The following LRRC43 variants were observed in gnomAD, a reference collection of about 807,000 sequenced individuals.
LRRC43 encodes leucine rich repeat containing 43.
LRRC43 carries 62 observed loss-of-function variants against 64.3 expected under a neutral mutation model. The ratio of observed to expected loss-of-function variants is 0.96; its 90% CI spans 0.79 to 1.19. LRRC43 has a LOEUF of 1.19. LRRC43 is among the 50% of genes most tolerant of loss of function. The pLI is 0.00. For synonymous variants in LRRC43, 422 were observed against 382.3 expected, an observed-to-expected ratio of 1.10 and a Z score of -1.21; for missense variants, 868 against 845.0, an observed-to-expected ratio of 1.03 and a Z score of -0.34.
intron 1 of LRRC43, among the ~76,000 whole-genome samples, chr12:122,174,604 G>A (rs1214403037): frequency 2.6e-5 from 4 of 152,184 alleles, no homozygotes; most frequent in Admixed American, 6.5e-5. Context: ...GAGGAAATGC[G>A]AAGCCGGCAT....
At chr12:122,170,508 G>A (rs1593137795) in intron 1 of LRRC43, among the ~76,000 whole-genome samples, 1 of 152,254 alleles carries the variant, frequency 6.6e-6, no homozygotes, top group African/African-American at 2.4e-5. Context: ...GCGGGCGCCT[G>A]TAGTCCCAGC....
chr12:122,182,377 C>A (rs893737626), upstream of LRRC43, among the ~76,000 whole-genome samples: 2 of 151,926 alleles, frequency 1.3e-5, no homozygotes, highest in Non-Finnish European at 2.9e-5. Flanking sequence ...TACACATTAG[C>A]GGGGCGTTGT....
chr12:122,194,224 T>A (rs77551136), intron 7 of LRRC43, among the ~76,000 whole-genome samples: 1 of 151,986 alleles, frequency 6.6e-6, no homozygotes, highest in Non-Finnish European at 1.5e-5. Context: ...TTTTTTTTTT[T>A]AAGCTTGTTA....
intron 1 of LRRC43, among the ~76,000 whole-genome samples, chr12:122,177,190 T>G (rs1235893391): frequency 1.3e-5 from 2 of 152,060 alleles, no homozygotes; most frequent in African/African-American, 2.4e-5. Flanking sequence ...TCCCTGGGCC[T>G]CCCCAATGCA....
chr12:122,184,757 C>A lies in LRRC43; in HGVS notation c.389C>A (p.Ser130Tyr). 2 of 1,607,214 alleles carry A rather than the reference C, an allele frequency of 1.2e-6. No individual in the cohort carries two copies. The highest frequency in any genetic ancestry group is 2.2e-5 in the South Asian group (2 of 89,960). The change falls in exon 2 of 12, where the codon TCC becomes TAC. Residue 130 changes from serine to tyrosine, a missense_variant. Transcript: ENST00000339777. This position sits in a 1 kb window ranked among gnomAD's most constrained non-coding sequence, Gnocchi z 4.0. Reference sequence around the variant, plus strand: ...ACCTTCTTCTACTCCTACTTCCGGTCCCTGCGGGTAATAGACAAGAAGGTC... The same window carrying A: ...ACCTTCTTCTACTCCTACTTCCGGTACCTGCGGGTAATAGACAAGAAGGTC... ...TDTFFYSYFR[S>Y]LRVIDKKVTL...
At chr12:122,188,639 C>T (rs1953675869) in intron 4 of LRRC43, among the ~76,000 whole-genome samples, 1 of 151,914 alleles carries the variant, frequency 6.6e-6, no homozygotes, top group Non-Finnish European at 1.5e-5. Flanking sequence ...CGGGGTTTCA[C>T]CATGTTGGCC....
intron 1 of LRRC43, chr12:122,172,853 G>A: frequency 3.6e-6 from 3 of 828,718 alleles, no homozygotes; most frequent in Non-Finnish European, 5.7e-6. Flanking sequence ...ATATTTATCT[G>A]ATCAATGTCA....
upstream of LRRC43, among the ~76,000 whole-genome samples, chr12:122,179,094 T>C (rs1953560909): frequency 6.6e-6 from 1 of 151,938 alleles, no homozygotes. Flanking sequence ...CTGGTTTGGT[T>C]TGGTTTTCTT....
chr12:122,201,835 G>A (rs1953842882), intron 11 of LRRC43: 1 of 155,302 alleles, frequency 6.4e-6, no homozygotes, highest in Non-Finnish European at 1.4e-5. Context: ...TCATACTGAA[G>A]CCGAAAAGTG....
In LRRC43 at chr12:122,191,533, G is replaced by T. The variant is rs1177657292; in HGVS notation, c.1055G>T (p.Gly352Val). The T allele has an allele frequency of 1.9e-6, 3 of 1,614,058 alleles. No homozygotes were observed. Among genetic ancestry groups the T allele is most frequent in the Non-Finnish European group, 1.7e-6 (2 of 1,180,044 alleles). The change falls in exon 6 of 12, where the codon GGC (glycine) becomes GTC (valine). Residue 352 changes from glycine (G) to valine (V), a missense_variant. By Grantham distance (109) the Gly-to-Val change is moderately radical. Coordinates refer to ENST00000339777, the MANE Select transcript of LRRC43 (RefSeq NM_001098519.2). Reference protein sequence around the residue: ...VTYDFVKDEEGEMNESAGVLA... With the variant: ...VTYDFVKDEEVEMNESAGVLA... ...TATGATTTTGTGAAAGATGAAGAAGGCGAAATGAATGAGTCCGCGGGCGTC... is the reference window on the plus strand; with the variant it reads ...TATGATTTTGTGAAAGATGAAGAAGTCGAAATGAATGAGTCCGCGGGCGTC...
intron 4 of LRRC43, among the ~76,000 whole-genome samples, chr12:122,189,878 C>T (rs191305586): frequency 6.6e-6 from 1 of 152,356 alleles, no homozygotes. Context: ...GAGAGGAGCC[C>T]CGTGAAGGGA....
chr12:122,184,727 C>T lies in LRRC43; in HGVS notation c.359C>T (p.Thr120Ile). ...GCCATCCGGAACCCGCTGACGATCA[C>T]AGACACCTTCTTCTACTCCTACTTC... The part of the protein sequence containing the change: ...ELAIRNPLTI[T>I]DTFFYSYFRS... Residue 120 changes from threonine (T) to isoleucine (I), a missense_variant, in exon 2 of 12, where the codon ACA (threonine) becomes ATA (isoleucine). Thr to Ile is a moderately conservative substitution (Grantham distance 89). Transcript: ENST00000339777. The surrounding 1 kb of genome is among the most constrained non-coding windows in gnomAD (Gnocchi z 4.0). 1 of 1,613,384 alleles carries T rather than the reference C, an allele frequency of 6.2e-7. No homozygotes were observed. Among genetic ancestry groups the T allele is most frequent in the South Asian group, 1.1e-5 (1 of 90,946 alleles).
intron 1 of LRRC43, among the ~76,000 whole-genome samples, chr12:122,171,038 A>G (rs901735281): frequency 2.0e-5 from 3 of 152,240 alleles, no homozygotes; most frequent in Non-Finnish European, 2.9e-5. Flanking sequence ...AAGAAGCCTT[A>G]ACAGTTGTGG....
At chr12:122,175,529 GGT>G (rs1241858562) in intron 1 of LRRC43, among the ~76,000 whole-genome samples, 1 of 148,810 alleles carries the variant, frequency 6.7e-6, no homozygotes, top group African/African-American at 2.5e-5. Flanking sequence ...TTTGAGACAG[GGT>G]CTCATTCTGT....
chr12:122,174,901 C>T (rs1194843554), intron 1 of LRRC43, among the ~76,000 whole-genome samples: 3 of 149,436 alleles, frequency 2.0e-5, no homozygotes, highest in Non-Finnish European at 4.4e-5. Context: ...AGTGCGGTGG[C>T]GTGATCACTG....
At chr12:122,168,136 T>TAA (rs144269186) in intron 1 of LRRC43, among the ~76,000 whole-genome samples, 1 of 142,906 alleles carries the variant, frequency 7.0e-6, no homozygotes, top group Non-Finnish European at 1.5e-5. Flanking sequence ...TTTAAGTAAT[T>TAA]AAAAAAAAAA....
At chr12:122,168,390 G>C (rs113147121) in intron 1 of LRRC43, among the ~76,000 whole-genome samples, 1 of 151,038 alleles carries the variant, frequency 6.6e-6, no homozygotes, top group African/African-American at 2.4e-5. Flanking sequence ...GTAATGAGCC[G>C]AGATTGCATC....
chr12:122,196,941 C>A (rs897860722), intron 7 of LRRC43, among the ~76,000 whole-genome samples: 4 of 152,082 alleles, frequency 2.6e-5, no homozygotes, highest in African/African-American at 9.7e-5. Context: ...CCATCCAAAC[C>A]CAAAGAACAG....
At chr12:122,186,367 C>A in intron 3 of LRRC43, 67 bp downstream of exon 3, 1 of 1,016,814 alleles carries the variant, frequency 9.8e-7, no homozygotes. Flanking sequence ...CCTTACCCTG[C>A]CCCACATAGT....
Sources: allele counts gnomAD v4.1 joint callset (sites outside exome capture counted in the v4.1 genomes callset), GRCh38; gene constraint gnomAD v4.1.1; non-coding constraint Gnocchi (gnomAD v3.1); transcripts MANE v1.5; gene names NCBI Gene and HGNC (gene_info 2026-07-23, HGNC 2026-07-21).